The following FAT3 variants were observed in gnomAD, a reference collection of about 807,000 sequenced individuals.
The protein encoded by FAT3 is FAT atypical cadherin 3.
Under a neutral mutation model 310.2 loss-of-function variants are expected in FAT3, and 95 were observed. That is an observed-to-expected ratio of 0.31 (90% CI 0.26 to 0.36). The LOEUF is 0.36. Among genes scored for constraint, FAT3 ranks in the 10% least tolerant of loss-of-function variants. The probability of loss-of-function intolerance (pLI) is 1.00; values close to 1 mark genes in which losing one functional copy is unlikely to be tolerated. For missense variants in FAT3, 5,408 were observed against 5,715.6 expected (o/e 0.95, Z 1.74); for synonymous variants, 2,314 against 2,192.9 (o/e 1.06, Z -1.54).
chr11:92,372,959 C>G (rs1036925419), intron 2 of FAT3, among the ~76,000 whole-genome samples: 2 of 152,120 alleles, frequency 1.3e-5, no homozygotes, highest in African/African-American at 4.8e-5. Flanking sequence ...CGTGCCCGGC[C>G]AGCAAACGAT....
intron 1 of FAT3, among the ~76,000 whole-genome samples, chr11:92,239,886 C>A (rs1254288474): frequency 6.6e-6 from 1 of 152,042 alleles, no homozygotes; most frequent in African/African-American, 2.4e-5. Context: ...TTATCTGGTC[C>A]AAGGTCATTA....
Position 92,845,206 on chromosome 11 carries a change from G to A in FAT3, c.11365+474G>A, listed in dbSNP as rs190019609. ...CTGGGATGTGAAATAAGGCTTGAGA[G>A]CAGGCCCAGTCATCACACAAGGGCC... On this transcript the variant is annotated intron_variant, in intron 19 of 27. Coordinates refer to ENST00000525166, the MANE Select transcript of FAT3 (RefSeq NM_001367949.2). Among the ~76,000 whole-genome samples the A allele has an allele frequency of 2.1e-3, 325 of 152,350 alleles. 1 individual carries two copies. Among genetic ancestry groups the A allele is most frequent in the Non-Finnish European group, 3.6e-3 (242 of 68,030 alleles).
chr11:92,548,070 G>A (rs1043892575), intron 3 of FAT3, among the ~76,000 whole-genome samples: 15 of 152,256 alleles, frequency 9.9e-5, no homozygotes, highest in African/African-American at 3.6e-4. Context: ...ACCTTAGAGT[G>A]TTTTATTAAT....
intron 2 of FAT3, among the ~76,000 whole-genome samples, chr11:92,519,515 G>T (rs2135342641): frequency 6.6e-6 from 1 of 151,920 alleles, no homozygotes; most frequent in Admixed American, 6.6e-5. Context: ...ACCTATAAAA[G>T]AAAAATTGAT....
rs1277821175 is a variant in FAT3, at chr11:92,512,850, C to T, written c.3293-11784C>T. 3.1e-5 allele frequency among the ~76,000 whole-genome samples: 2 copies of T among 63,852 alleles called. 1 individual carries two copies. Among genetic ancestry groups the T allele is most frequent in the African/African-American group, 1.5e-4 (2 of 13,532 alleles). The allele number at this position is 63,852 out of a possible 152,430, so 41.9% of individuals were successfully genotyped here. ...CTAAGTTAAGATTATCGGCCGGGCG[C>T]GGTGGCTCACGCCTGTAATCCCAGC... On this transcript the variant is annotated intron_variant, in intron 2 of 27. Coordinates refer to ENST00000525166, the MANE Select transcript of FAT3 (RefSeq NM_001367949.2).
chr11:92,265,555 A>C, intron 1 of FAT3, among the ~76,000 whole-genome samples: 1 of 152,026 alleles, frequency 6.6e-6, no homozygotes, highest in East Asian at 1.9e-4. Flanking sequence ...GGGGATTACT[A>C]AGGTTGGGTG....
Position 92,892,163 on chromosome 11 carries a change from T to C in FAT3, c.*1050T>C, listed in dbSNP as rs971461121. On this transcript the variant is annotated 3_prime_UTR_variant, in exon 28 of 28. Transcript: ENST00000525166. ...AAAGAGGAAAGTAGACTAGTTATTG[T>C]GTATAAATTATAATAGTGTGTGTGT... is the stretch of plus-strand genomic sequence containing the variant. 6.6e-6 allele frequency: 1 copy of C among 152,168 alleles called. No homozygotes were observed. Among genetic ancestry groups the C allele is most frequent in the Non-Finnish European group, 1.5e-5 (1 of 68,042 alleles). 9.4% of individuals were successfully genotyped at this position (152,168 alleles called of 1,614,324 possible).
intron 2 of FAT3, among the ~76,000 whole-genome samples, chr11:92,416,397 A>G (rs71473972): frequency 6.6e-6 from 1 of 150,796 alleles, no homozygotes; most frequent in African/African-American, 2.5e-5. Context: ...AAAAAAAAAA[A>G]GAAAGAAAGA....
intron 1 of FAT3, among the ~76,000 whole-genome samples, chr11:92,274,467 T>A (rs1268239876): frequency 1.3e-5 from 2 of 152,066 alleles, no homozygotes; most frequent in African/African-American, 4.8e-5. Flanking sequence ...GACCCAGGTT[T>A]TTTAGCACTT....
At chr11:92,320,178 A>G in intron 1 of FAT3, among the ~76,000 whole-genome samples, 1 of 152,228 alleles carries the variant, frequency 6.6e-6, no homozygotes, top group Non-Finnish European at 1.5e-5. Flanking sequence ...TGCAATGAGT[A>G]ATGGCAAAAG....
chr11:92,549,803 A>G (rs1263479978), intron 3 of FAT3, among the ~76,000 whole-genome samples: 1 of 152,228 alleles, frequency 6.6e-6, no homozygotes, highest in African/African-American at 2.4e-5. Context: ...CATTGACTCA[A>G]GATCCTGTTT....
At chr11:92,322,970 T>C (rs12789844) in intron 1 of FAT3, among the ~76,000 whole-genome samples, 17,055 of 145,262 alleles carry the variant, frequency 0.12, 1,040 homozygotes, top group South Asian at 0.18. Context: ...TCTAGAATGA[T>C]GATTTTTTTC....
intron 3 of FAT3, among the ~76,000 whole-genome samples, chr11:92,552,470 G>T (rs149823219): frequency 6.6e-6 from 1 of 151,896 alleles, no homozygotes. Flanking sequence ...TTCTATTTTT[G>T]GTTCTTAAAA....
chr11:92,379,769 A>G (rs1949443491), intron 2 of FAT3, among the ~76,000 whole-genome samples: 1 of 152,138 alleles, frequency 6.6e-6, no homozygotes. Context: ...TTTGAACTTT[A>G]TGTTTGTCAC....
intron 2 of FAT3, among the ~76,000 whole-genome samples, chr11:92,501,793 C>T (rs1456168041): frequency 6.6e-6 from 1 of 151,978 alleles, no homozygotes; most frequent in African/African-American, 2.4e-5. Flanking sequence ...TATTTTCTCT[C>T]CTGCCTCTTG....
chr11:92,389,798 C>T (rs1246725548), intron 2 of FAT3, among the ~76,000 whole-genome samples: 1 of 152,054 alleles, frequency 6.6e-6, no homozygotes, highest in Non-Finnish European at 1.5e-5. Flanking sequence ...GGTCTGTTTC[C>T]ACTATTTATT....
chr11:92,259,825 A>G (rs1195050752), intron 1 of FAT3, among the ~76,000 whole-genome samples: 2 of 152,112 alleles, frequency 1.3e-5, no homozygotes, highest in African/African-American at 4.8e-5. Context: ...ACCTAAACAA[A>G]ATCTCCAGCT....
chr11:92,641,218 C>G (rs1323395487), intron 3 of FAT3, among the ~76,000 whole-genome samples: 1 of 152,068 alleles, frequency 6.6e-6, no homozygotes, highest in Non-Finnish European at 1.5e-5. Flanking sequence ...AAAATGTTCA[C>G]CATATACTAT....
chr11:92,746,886 A>T (rs1945687325), intron 4 of FAT3, among the ~76,000 whole-genome samples: 1 of 152,332 alleles, frequency 6.6e-6, no homozygotes, highest in South Asian at 2.1e-4. Context: ...TCATGCTGAT[A>T]CAAGAGGTGG....
Sources: gnomAD v4.1 joint callset for allele counts (sites outside exome capture counted in the v4.1 genomes callset) on GRCh38, gnomAD v4.1.1 for gene constraint, MANE v1.5 for transcripts, NCBI Gene and HGNC (gene_info 2026-07-23, HGNC 2026-07-21) for gene names.